FXR1: variants seen among roughly 807,000 people sequenced by gnomAD.
The protein encoded by FXR1 is FMR1 autosomal homolog 1, also known as RNA-binding protein FXR1.
Under a neutral mutation model 84.0 loss-of-function variants are expected in FXR1, and 15 were observed. The observed-to-expected ratio is 0.18, with a 90% confidence interval of 0.12 to 0.27. The LOEUF (loss-of-function observed/expected upper bound fraction) is 0.27. Ranked by LOEUF, FXR1 falls within the 10% of genes least tolerant of loss-of-function variation. FXR1 has a pLI of 1.00. For missense variants in FXR1, 480 were observed against 774.4 expected (o/e 0.62, Z 4.51); for synonymous variants, 245 against 250.7 (o/e 0.98, Z 0.21).
At chr3:180,940,661 C>T (rs1576937142) in intron 3 of FXR1, among the ~76,000 whole-genome samples, 1 of 151,634 alleles carries the variant, frequency 6.6e-6, no homozygotes, top group East Asian at 1.9e-4. Context: ...AGCGCAACCT[C>T]CGCCTCCTGG....
chr3:180,940,664 C>T (rs1239534991), intron 3 of FXR1, among the ~76,000 whole-genome samples: 1 of 151,118 alleles, frequency 6.6e-6, no homozygotes, highest in East Asian at 1.9e-4. Flanking sequence ...GCAACCTCCG[C>T]CTCCTGGGTT....
intron 4 of FXR1, 162 bp from the exon 5 acceptor site, chr3:180,948,185 C>G (rs1576955450): frequency 1.6e-6 from 1 of 631,860 alleles, no homozygotes; most frequent in Non-Finnish European, 2.8e-6. Flanking sequence ...AACCTATAAT[C>G]TAGTTTAGGC....
chr3:180,971,101 C>T (rs768236473), intron 15 of FXR1: 71 of 1,265,698 alleles, frequency 5.6e-5, no homozygotes, highest in African/African-American at 2.5e-4. Flanking sequence ...ACCCCAGCGA[C>T]GCAATCGTAG....
At chr3:180,954,812 A>G (rs543339286) in intron 9 of FXR1, among the ~76,000 whole-genome samples, 3 of 148,244 alleles carry the variant, frequency 2.0e-5, no homozygotes, top group Admixed American at 6.8e-5. Context: ...CGGACATTCT[A>G]TTTGTTAAAT....
chr3:180,948,912 G>GTATAGTGAATTTA lies in FXR1; in HGVS notation c.513+100_513+112dup, dbSNP rs1295239587. 35 of 710,936 alleles carry GTATAGTGAATTTA rather than the reference G, an allele frequency of 4.9e-5. No homozygotes were observed. In the East Asian group the frequency reaches 7.2e-4, roughly 15 times the overall value. 44.0% of individuals were successfully genotyped at this position (710,936 alleles called of 1,614,324 possible). ...AGAGAAAAGCTAAGATCAACTTAGT[G>GTATAGTGAATTTA]TATAGTGAATTTATTAATATAGTGT... On this transcript the variant is annotated intron_variant, in intron 6 of 16. Coordinates refer to ENST00000357559, the MANE Select transcript of FXR1 (RefSeq NM_005087.4).
rs1721996843 is a variant in FXR1 at position 180,949,433 on chromosome 3, C to CAA, written c.630+90_630+91insAA. 9 of 767,070 alleles carry CAA rather than the reference C, an allele frequency of 1.2e-5. No homozygotes were observed. The Admixed American group carries it at 1.4e-4, about 12-fold the overall frequency. 47.5% of individuals were successfully genotyped at this position (767,070 alleles called of 1,614,324 possible). Reference sequence around the variant, plus strand: ...ACAGATTCTGGCTCTGTTGCCCAGGCTAGAGTGCAGTGGCACAATCTTGGC... The same window carrying CAA: ...ACAGATTCTGGCTCTGTTGCCCAGGCAATAGAGTGCAGTGGCACAATCTTGGC... On this transcript the variant is annotated intron_variant, in intron 7 of 16. Transcript: ENST00000357559.
chr3:180,936,949 G>A (rs767639300), intron 3 of FXR1, among the ~76,000 whole-genome samples: 3 of 152,188 alleles, frequency 2.0e-5, no homozygotes, highest in Admixed American at 6.5e-5. Flanking sequence ...GGGGAGACAC[G>A]AGGAAACAAA....
At chr3:180,915,064 G>C (rs533531070) in intron 1 of FXR1, 1 of 299,998 alleles carries the variant, frequency 3.3e-6, no homozygotes. Flanking sequence ...AACATGAGGG[G>C]CTTGAAGTAG....
intron 1 of FXR1, chr3:180,914,732 C>A (rs531862094): frequency 2.4e-6 from 2 of 832,152 alleles, no homozygotes; most frequent in South Asian, 1.1e-4. Flanking sequence ...CTACAATCTA[C>A]TGCTTGTTTC....
At chr3:180,957,201 T>C (rs1711503247) in intron 9 of FXR1, among the ~76,000 whole-genome samples, 1 of 152,210 alleles carries the variant, frequency 6.6e-6, no homozygotes, top group Non-Finnish European at 1.5e-5. Context: ...GAAAGTTAAA[T>C]ACTTGAATTT....
intron 3 of FXR1, among the ~76,000 whole-genome samples, chr3:180,935,590 G>A (rs1720429983): frequency 6.6e-6 from 1 of 152,216 alleles, no homozygotes; most frequent in African/African-American, 2.4e-5. Context: ...TTGCCTGGGT[G>A]TCTTTATGAG....
chr3:180,975,426 G>A, intron 16 of FXR1, 22 bp downstream of exon 16: 1 of 927,274 alleles, frequency 1.1e-6, no homozygotes, highest in South Asian at 1.6e-5. Context: ...TTAACCTGTA[G>A]GTTTTTTTTT....
intron 8 of FXR1, 79 bp from the exon 9 acceptor site, chr3:180,953,683 T>C: frequency 1.4e-6 from 1 of 718,676 alleles, no homozygotes; most frequent in Non-Finnish European, 2.4e-6. Context: ...TTTTCTCTTT[T>C]CTCATCTTCT....
At chr3:180,913,717 C>T (rs1717527270) in intron 1 of FXR1, among the ~76,000 whole-genome samples, 2 of 152,092 alleles carry the variant, frequency 1.3e-5, no homozygotes, top group Admixed American at 6.6e-5. Flanking sequence ...CTTATTTTCC[C>T]GAAATACGCC....
intron 10 of FXR1, among the ~76,000 whole-genome samples, chr3:180,960,916 A>C (rs1020399660): frequency 2.0e-5 from 3 of 152,200 alleles, no homozygotes; most frequent in Admixed American, 1.3e-4. Context: ...TTGGGGTGCA[A>C]ATATGACAAG....
At chr3:180,958,200 G>A (rs947679928) in intron 10 of FXR1, among the ~76,000 whole-genome samples, 2 of 151,980 alleles carry the variant, frequency 1.3e-5, no homozygotes, top group African/African-American at 2.4e-5. Context: ...TTTTTCATAC[G>A]TAGAGTGTAA....
At chr3:180,965,349 G>A (rs1158426052) in intron 13 of FXR1, among the ~76,000 whole-genome samples, 1 of 152,140 alleles carries the variant, frequency 6.6e-6, no homozygotes, top group South Asian at 2.1e-4. Flanking sequence ...TTAAAAAAAC[G>A]ACTTTGAATC....
chr3:180,970,383 A>AATATATACAT (rs1713379998), intron 15 of FXR1, 25 bp downstream of exon 15: 1 of 366,380 alleles, frequency 2.7e-6, no homozygotes, highest in South Asian at 2.1e-5. Context: ...AGGGAAGAGA[A>AATATATACAT]ATATATATAT....
At chr3:180,919,409 C>T (rs373741389) in intron 1 of FXR1, among the ~76,000 whole-genome samples, 164 of 150,180 alleles carry the variant, frequency 1.1e-3, no homozygotes, top group African/African-American at 3.8e-3. Context: ...CTGAGCCACC[C>T]GAGTAGCTGG....
Sources: allele counts gnomAD v4.1 joint callset (sites outside exome capture counted in the v4.1 genomes callset), GRCh38; gene constraint gnomAD v4.1.1; transcripts MANE v1.5; gene names NCBI Gene and HGNC (gene_info 2026-07-23, HGNC 2026-07-21).